Variants in STX8 observed in about 807,000 individuals in gnomAD.
STX8 encodes syntaxin-8.
STX8 carries 23 observed loss-of-function variants against 37.5 expected under a neutral mutation model. The observed-to-expected ratio is 0.61, with a 90% confidence interval of 0.44 to 0.87. STX8 has a LOEUF of 0.87. STX8 is among the 40% of genes least tolerant of loss of function. The pLI is 0.00. For missense variants in STX8, 313 were observed against 284.7 expected, an observed-to-expected ratio of 1.10 and a Z score of -0.71; for synonymous variants, 115 against 99.1, an observed-to-expected ratio of 1.16 and a Z score of -0.95.
intron 6 of STX8, among the ~76,000 whole-genome samples, chr17:9,470,281 A>T (rs2279045): frequency 0.25 from 37,450 of 152,136 alleles, 4,905 homozygotes; most frequent in South Asian, 0.35. Context: ...TAAGGATTTG[A>T]AATTACTTGA....
At chr17:9,543,800 G>C (rs1906382073) in intron 4 of STX8, among the ~76,000 whole-genome samples, 1 of 152,172 alleles carries the variant, frequency 6.6e-6, no homozygotes, top group Non-Finnish European at 1.5e-5. Context: ...ACTGCCAACA[G>C]AGTATCACCC....
chr17:9,490,051 T>C (rs1255609839), intron 6 of STX8, among the ~76,000 whole-genome samples: 2 of 152,194 alleles, frequency 1.3e-5, no homozygotes, highest in African/African-American at 2.4e-5. Flanking sequence ...AACTGAATTA[T>C]ATGCAAATAC....
At chr17:9,520,881 T>C (rs970319960) in intron 4 of STX8, among the ~76,000 whole-genome samples, 11 of 152,206 alleles carry the variant, frequency 7.2e-5, no homozygotes, top group Admixed American at 6.5e-4. Context: ...GTTTGTTTTG[T>C]CTGGAAAAAA....
At chr17:9,428,834 A>G (rs1013665350) in intron 6 of STX8, among the ~76,000 whole-genome samples, 10 of 152,186 alleles carry the variant, frequency 6.6e-5, no homozygotes, top group Non-Finnish European at 8.8e-5. Flanking sequence ...GACTAGCCAC[A>G]TTATAAGAGC....
chr17:9,467,916 C>A (rs1002830981), intron 6 of STX8, among the ~76,000 whole-genome samples: 1 of 152,088 alleles, frequency 6.6e-6, no homozygotes, highest in African/African-American at 2.4e-5. Flanking sequence ...AGGACAGATT[C>A]CAGTTGTTTT....
chr17:9,501,253 T>C (rs1904599734), intron 5 of STX8, among the ~76,000 whole-genome samples: 1 of 152,152 alleles, frequency 6.6e-6, no homozygotes, highest in Non-Finnish European at 1.5e-5. Flanking sequence ...ACCTAGAATA[T>C]CCAATAAAAT....
intron 6 of STX8, among the ~76,000 whole-genome samples, chr17:9,417,156 A>G (rs1258516862): frequency 6.6e-6 from 1 of 152,128 alleles, no homozygotes; most frequent in Non-Finnish European, 1.5e-5. Context: ...GATTTGAGTA[A>G]TCAACTTCTG....
chr17:9,309,112 GA>G (rs1909102224), intron 7 of STX8, among the ~76,000 whole-genome samples: 1 of 151,934 alleles, frequency 6.6e-6, no homozygotes, highest in East Asian at 1.9e-4. Flanking sequence ...TTGAAAAAAA[GA>G]AAACAAGAAC....
At chr17:9,403,600 T>G (rs1028114024) in intron 6 of STX8, among the ~76,000 whole-genome samples, 2 of 152,020 alleles carry the variant, frequency 1.3e-5, no homozygotes, top group African/African-American at 4.8e-5. Flanking sequence ...TTAAACAACT[T>G]GGAGGTTATG....
chr17:9,552,336 T>C (rs1478514191), intron 3 of STX8, among the ~76,000 whole-genome samples: 1 of 152,210 alleles, frequency 6.6e-6, no homozygotes, highest in African/African-American at 2.4e-5. Context: ...AGTGAGATCC[T>C]GTCTTTAAAA....
chr17:9,550,057 A>G (rs902212694), intron 3 of STX8, among the ~76,000 whole-genome samples: 1 of 152,142 alleles, frequency 6.6e-6, no homozygotes, highest in Non-Finnish European at 1.5e-5. Flanking sequence ...CCCCATCTGT[A>G]CTAAAAAAAT....
At chr17:9,513,313 C>CAAAAAAAAAAAAAAAAAAAA (rs35228175) in intron 4 of STX8, among the ~76,000 whole-genome samples, 1 of 78,038 alleles carries the variant, frequency 1.3e-5, no homozygotes, top group Non-Finnish European at 2.6e-5. Flanking sequence ...ACTCTATTTC[C>CAAAAAAAAAAAAAAAAAAAA]AAAAAAAAAA....
chr17:9,359,311 C>T (rs1439781608), intron 7 of STX8, among the ~76,000 whole-genome samples: 3 of 151,814 alleles, frequency 2.0e-5, no homozygotes, highest in South Asian at 2.1e-4. Flanking sequence ...TGACTTTGGG[C>T]GTTAATACGC....
At chr17:9,463,560 T>C (rs1215699269) in intron 6 of STX8, among the ~76,000 whole-genome samples, 2 of 150,626 alleles carry the variant, frequency 1.3e-5, no homozygotes, top group African/African-American at 4.9e-5. Flanking sequence ...AGGTCAGGAG[T>C]TGGAGACCAG....
chr17:9,293,877 T>C (rs1908412493), intron 7 of STX8, among the ~76,000 whole-genome samples: 1 of 152,036 alleles, frequency 6.6e-6, no homozygotes, highest in Non-Finnish European at 1.5e-5. Context: ...TTCTGCTGTC[T>C]CAGCCTCCCA....
intron 6 of STX8, among the ~76,000 whole-genome samples, chr17:9,409,277 A>G (rs1196558932): frequency 6.6e-6 from 1 of 152,178 alleles, no homozygotes; most frequent in Non-Finnish European, 1.5e-5. Context: ...GAAACTAGGC[A>G]AACACCTGGT....
intron 4 of STX8, among the ~76,000 whole-genome samples, chr17:9,522,539 T>G (rs1367475425): frequency 8.9e-6 from 1 of 112,578 alleles, no homozygotes; most frequent in African/African-American, 3.9e-5. Flanking sequence ...CTACTAAAAA[T>G]CCAAAAAAAA....
intron 6 of STX8, among the ~76,000 whole-genome samples, chr17:9,410,824 T>G (rs8068962): frequency 3.9e-5 from 6 of 151,986 alleles, no homozygotes; most frequent in Non-Finnish European, 8.8e-5. Flanking sequence ...AACATTATCA[T>G]GAAATGTAAC....
intron 4 of STX8, among the ~76,000 whole-genome samples, chr17:9,510,928 G>C (rs28848609): frequency 0.046 from 6,950 of 151,986 alleles, 575 homozygotes; most frequent in African/African-American, 0.16. Flanking sequence ...AAGGAGACAT[G>C]ACAATGGATG....
Sources: gnomAD v4.1 joint callset for allele counts (sites outside exome capture counted in the v4.1 genomes callset) on GRCh38, gnomAD v4.1.1 for gene constraint, MANE v1.5 for transcripts, NCBI Gene and HGNC (gene_info 2026-07-23, HGNC 2026-07-21) for gene names.